MMP17: variants seen among roughly 807,000 people sequenced by gnomAD.
The protein encoded by MMP17 is matrix metalloproteinase-17.
In MMP17, 54 loss-of-function variants were observed where a neutral mutation model predicts 49.1. That is an observed-to-expected ratio of 1.10 (90% CI 0.88 to 1.38). The LOEUF is 1.38. Ranked by LOEUF, MMP17 falls within the 40% of genes most tolerant of loss-of-function variation. The pLI is 0.00. For missense variants in MMP17, 837 were observed against 853.7 expected (o/e 0.98, Z 0.24); for synonymous variants, 397 against 383.1 (o/e 1.04, Z -0.42).
At chr12:131,831,021 G>A (rs1886766291) in intron 1 of MMP17, among the ~76,000 whole-genome samples, 1 of 152,208 alleles carries the variant, frequency 6.6e-6, no homozygotes, top group Non-Finnish European at 1.5e-5. Flanking sequence ...GATGGGACGC[G>A]GCTCTCCGTG....
intron 2 of MMP17, 70 bp downstream of exon 2, chr12:131,838,397 T>A: frequency 6.4e-7 from 1 of 1,571,254 alleles, no homozygotes; most frequent in South Asian, 1.2e-5. Context: ...CCATGCCCCC[T>A]CTGATCAGGC....
chr12:131,851,417 C>G lies in MMP17; in HGVS notation c.*143C>G, dbSNP rs1669823172. On this transcript the variant is annotated 3_prime_UTR_variant, in exon 10 of 10. Transcript: ENST00000360564. Reference sequence around the variant, plus strand: ...GGCACCGGAAGGCCAGCAGAGGGCACTGTCCGCCAGGGCTGGGCAGGCTCA... The same window carrying G: ...GGCACCGGAAGGCCAGCAGAGGGCAGTGTCCGCCAGGGCTGGGCAGGCTCA... 4.2e-6 allele frequency: 3 copies of G among 713,606 alleles called. No homozygotes were observed. The South Asian group carries it at 1.2e-4, about 30-fold the overall frequency. 44.2% of individuals were successfully genotyped at this position (713,606 alleles called of 1,614,324 possible).
intron 1 of MMP17, among the ~76,000 whole-genome samples, chr12:131,836,782 G>A (rs1237996803): frequency 6.6e-6 from 1 of 152,214 alleles, no homozygotes; most frequent in Non-Finnish European, 1.5e-5. Context: ...TCCCTGGGCT[G>A]GCGAGTATCC....
chr12:131,838,550 C>A, intron 2 of MMP17, 62 bp from the exon 3 acceptor site: 1 of 1,549,278 alleles, frequency 6.5e-7, no homozygotes. Context: ...CTTGCGGATG[C>A]TCGGGATCCT....
chr12:131,834,403 G>A (rs1009200781), intron 1 of MMP17, among the ~76,000 whole-genome samples: 12 of 152,196 alleles, frequency 7.9e-5, no homozygotes, highest in Admixed American at 1.3e-4. Flanking sequence ...TCTCCGTGGC[G>A]ACAGCAGAGG....
At chr12:131,839,154 T>G (rs949349392) in intron 3 of MMP17, among the ~76,000 whole-genome samples, 1 of 152,146 alleles carries the variant, frequency 6.6e-6, no homozygotes, top group African/African-American at 2.4e-5. Context: ...GCTGTGCAGT[T>G]GCTGGCAGCC....
chr12:131,848,683 C>G (rs988936792), intron 8 of MMP17, among the ~76,000 whole-genome samples: 2 of 152,186 alleles, frequency 1.3e-5, no homozygotes, highest in East Asian at 1.9e-4. Context: ...AGGATCTGCC[C>G]CTCTGTGCCT....
At chr12:131,837,132 G>T (rs984168245) in intron 1 of MMP17, among the ~76,000 whole-genome samples, 1 of 152,166 alleles carries the variant, frequency 6.6e-6, no homozygotes, top group Non-Finnish European at 1.5e-5. Context: ...TGTCCCCTGC[G>T]CCAGGTGCTG....
intron 9 of MMP17, among the ~76,000 whole-genome samples, chr12:131,850,420 C>G (rs971826715): frequency 3.9e-5 from 6 of 152,240 alleles, no homozygotes; most frequent in African/African-American, 1.4e-4. Context: ...GCCAAACGCC[C>G]TCCTGGGCAT....
intron 4 of MMP17, 131 bp from the exon 5 acceptor site, chr12:131,841,493 A>G (rs1887404258): frequency 5.3e-6 from 5 of 943,382 alleles, no homozygotes. Flanking sequence ...AACCCTGCAG[A>G]ATCCCTCTGG....
In MMP17 at chr12:131,850,755, G is replaced by A. The variant is rs560996621; in HGVS notation, c.1463-170G>A. Reference sequence around the variant, plus strand: ...TAGCACGAGCCGCCCCCCACCAGCCGTCTGGTCTGACCCCCCACTGCAGTC... The same window carrying A: ...TAGCACGAGCCGCCCCCCACCAGCCATCTGGTCTGACCCCCCACTGCAGTC... On this transcript the variant is annotated intron_variant, in intron 9 of 9. Transcript: ENST00000360564. 2.1e-3 allele frequency among the ~76,000 whole-genome samples: 303 copies of A among 143,316 alleles called. 2 individuals are homozygous for A. Among genetic ancestry groups the A allele is most frequent in the African/African-American group, 7.0e-3 (267 of 38,052 alleles). 94.0% of individuals were successfully genotyped at this position (143,316 alleles called of 152,430 possible). A position where few individuals can be genotyped will look rare whatever the true frequency, so the allele number is the denominator to read the frequency against.
chr12:131,849,660 A>G (rs1887872989), intron 8 of MMP17, 142 bp from the exon 9 acceptor site: 1 of 871,570 alleles, frequency 1.1e-6, no homozygotes, highest in South Asian at 1.7e-5. Flanking sequence ...ATGTGGGGTG[A>G]TTGCAGTGTG....
chr12:131,833,865 G>A (rs1052240558), intron 1 of MMP17, among the ~76,000 whole-genome samples: 1 of 152,214 alleles, frequency 6.6e-6, no homozygotes, highest in South Asian at 2.1e-4. Flanking sequence ...ACCAATCAGT[G>A]CAACCCAAAG....
intron 1 of MMP17, among the ~76,000 whole-genome samples, chr12:131,837,671 G>T (rs1302663319): frequency 6.6e-6 from 1 of 152,226 alleles, no homozygotes; most frequent in African/African-American, 2.4e-5. Flanking sequence ...TACAGGTCGT[G>T]CACGGCACAA....
At chr12:131,843,881 A>C in intron 5 of MMP17, 116 bp from the exon 6 acceptor site, 2 of 715,018 alleles carry the variant, frequency 2.8e-6, no homozygotes, top group Non-Finnish European at 4.5e-6. Context: ...GCGCCCCCAC[A>C]GAGCCTGTCT....
intron 6 of MMP17, 90 bp downstream of exon 6, chr12:131,844,171 A>C (rs1887573799): frequency 3.5e-6 from 4 of 1,130,880 alleles, no homozygotes; most frequent in African/African-American, 1.6e-5. Context: ...CGTGGCTCAG[A>C]GTCCTGGGAA....
At chr12:131,840,349 C>T (rs1593229355) in intron 3 of MMP17, 3 of 525,526 alleles carry the variant, frequency 5.7e-6, no homozygotes, top group East Asian at 5.9e-5. Flanking sequence ...CTGGGGGTCT[C>T]AGCCTGCCTG....
At chr12:131,832,828 T>C (rs1441041347) in intron 1 of MMP17, among the ~76,000 whole-genome samples, 1 of 152,156 alleles carries the variant, frequency 6.6e-6, no homozygotes, top group African/African-American at 2.4e-5. Flanking sequence ...CCTGACTCTG[T>C]CACACCCGCT....
intron 9 of MMP17, among the ~76,000 whole-genome samples, 185 bp from the exon 10 acceptor site, chr12:131,850,740 C>T (rs544135610): frequency 4.0e-5 from 6 of 151,844 alleles, no homozygotes; most frequent in South Asian, 2.1e-4. Flanking sequence ...TAGCACGAGC[C>T]GCCCCCCACC....
Sources: gnomAD v4.1 joint callset for allele counts (sites outside exome capture counted in the v4.1 genomes callset) on GRCh38, gnomAD v4.1.1 for gene constraint, MANE v1.5 for transcripts, NCBI Gene and HGNC (gene_info 2026-07-23, HGNC 2026-07-21) for gene names.